DNM3: variants seen among roughly 807,000 people sequenced by gnomAD.
DNM3 encodes dynamin-3.
Under a neutral mutation model 101.6 loss-of-function variants are expected in DNM3, and 47 were observed. That is an observed-to-expected ratio of 0.46 (90% CI 0.37 to 0.59). DNM3 has a LOEUF of 0.59. DNM3 is among the 20% of genes least tolerant of loss of function. DNM3 has a pLI of 0.00. For synonymous variants in DNM3, 385 were observed against 387.9 expected, an observed-to-expected ratio of 0.99 and a Z score of 0.09; for missense variants, 849 against 1,085.7, an observed-to-expected ratio of 0.78 and a Z score of 3.06.
chr1:172,171,036 T>C (rs1193473212), intron 14 of DNM3, among the ~76,000 whole-genome samples: 1 of 151,800 alleles, frequency 6.6e-6, no homozygotes. Context: ...ATCTCTTCTG[T>C]ATGCTGGTCT....
intron 14 of DNM3, among the ~76,000 whole-genome samples, chr1:172,175,832 T>C (rs2059136405): frequency 6.6e-6 from 1 of 151,922 alleles, no homozygotes; most frequent in South Asian, 2.1e-4. Context: ...TAGGTAGAAA[T>C]TGGACAGGTC....
chr1:172,048,831 C>G lies in DNM3; in HGVS notation c.1335+81C>G, dbSNP rs778369846. Reference sequence around the variant, plus strand: ...TATCTCATTGCATGATTCTCTTTCCCTGACCCTCACTTTGTTATAGATGTT... The same window carrying G: ...TATCTCATTGCATGATTCTCTTTCCGTGACCCTCACTTTGTTATAGATGTT... On this transcript the variant is annotated intron_variant, in intron 10 of 20. Coordinates refer to ENST00000627582, the MANE Select transcript of DNM3 (RefSeq NM_015569.5). 16 of 1,496,618 alleles carry G rather than the reference C, an allele frequency of 1.1e-5. No homozygotes were observed. The East Asian group carries it at 3.2e-4, about 30-fold the overall frequency. The allele number at this position is 1,496,618 out of a possible 1,614,324, so 92.7% of individuals were successfully genotyped here. A position where few individuals can be genotyped will look rare whatever the true frequency, so the allele number is the denominator to read the frequency against.
At chr1:172,169,843 T>G (rs1344726080) in intron 14 of DNM3, among the ~76,000 whole-genome samples, 4 of 151,932 alleles carry the variant, frequency 2.6e-5, no homozygotes, top group Admixed American at 2.0e-4. Flanking sequence ...GTTGTGATAT[T>G]TAAATGAACT....
chr1:172,103,816 C>T (rs988500043), intron 13 of DNM3, among the ~76,000 whole-genome samples: 6 of 152,150 alleles, frequency 3.9e-5, no homozygotes, highest in Non-Finnish European at 7.3e-5. Flanking sequence ...TCCTGGCCAA[C>T]ATAGTGAAAC....
Position 172,409,214 on chromosome 1 carries a change from T to C in DNM3, c.*1373T>C. The C allele has an allele frequency of 1.0e-6, 1 of 985,352 alleles. No individual in the cohort carries two copies. Among genetic ancestry groups the C allele is most frequent in the African/African-American group, 1.7e-5 (1 of 57,344 alleles). The allele number at this position is 985,352 out of a possible 1,614,324, so 61.0% of individuals were successfully genotyped here. A position where few individuals can be genotyped will look rare whatever the true frequency, so the allele number is the denominator to read the frequency against. ...GACAGCAGAGCAAGTATTCACTGAG[T>C]AGGGGTGTCCCATGACACTATTTCA... On this transcript the variant is annotated 3_prime_UTR_variant, in exon 21 of 21. Coordinates refer to ENST00000627582, the MANE Select transcript of DNM3 (RefSeq NM_015569.5).
intron 15 of DNM3, among the ~76,000 whole-genome samples, chr1:172,286,328 G>A (rs768218882): frequency 1.3e-5 from 2 of 152,118 alleles, no homozygotes; most frequent in African/African-American, 2.4e-5. Flanking sequence ...GAGACAGACT[G>A]AGAATAATTG....
intron 15 of DNM3, among the ~76,000 whole-genome samples, chr1:172,302,902 A>C (rs1213925788): frequency 6.6e-6 from 1 of 152,220 alleles, no homozygotes; most frequent in Non-Finnish European, 1.5e-5. Flanking sequence ...CCACAGGTAG[A>C]TAAAACCACA....
chr1:172,298,750 A>T (rs1030943953), intron 15 of DNM3, among the ~76,000 whole-genome samples: 4 of 152,062 alleles, frequency 2.6e-5, no homozygotes, highest in African/African-American at 7.2e-5. Flanking sequence ...TTCTCTTTCC[A>T]TTGGAGTTTA....
intron 14 of DNM3, among the ~76,000 whole-genome samples, chr1:172,223,178 CCTGT>C (rs1411731821): frequency 6.6e-6 from 1 of 151,920 alleles, no homozygotes; most frequent in Non-Finnish European, 1.5e-5. Context: ...ACTTATTCCT[CCTGT>C]CTAACTGTAA....
chr1:171,955,659 A>G lies in DNM3; in HGVS notation c.236-31997A>G, dbSNP rs114643319. ...AGAGATACCTGCCCTAATAGGTGAG[A>G]GGCATAGGTAGCATTAAAGGAAAAT... On this transcript the variant is annotated intron_variant, in intron 2 of 20. Coordinates refer to ENST00000627582, the MANE Select transcript of DNM3 (RefSeq NM_015569.5). Among the ~76,000 whole-genome samples the G allele has an allele frequency of 6.4e-3, 981 of 152,296 alleles. 14 individuals carry two copies. The highest frequency in any genetic ancestry group is 0.021 in the African/African-American group (890 of 41,558).
At chr1:172,078,286 G>T (rs2052838505) in intron 11 of DNM3, among the ~76,000 whole-genome samples, 1 of 152,026 alleles carries the variant, frequency 6.6e-6, no homozygotes, top group African/African-American at 2.4e-5. Context: ...TAGAGATAGG[G>T]TTTCATCATA....
At chr1:171,947,139 G>C (rs116739653) in intron 2 of DNM3, among the ~76,000 whole-genome samples, 1 of 152,142 alleles carries the variant, frequency 6.6e-6, no homozygotes, top group Non-Finnish European at 1.5e-5. Context: ...ACCTTGCAGT[G>C]GGAGCTATCA....
intron 17 of DNM3, among the ~76,000 whole-genome samples, chr1:172,330,989 C>T (rs754345111): frequency 4.6e-5 from 7 of 152,154 alleles, no homozygotes; most frequent in Non-Finnish European, 5.9e-5. Flanking sequence ...TCCGTTTACT[C>T]TGCCTGTGCA....
chr1:172,297,945 G>A (rs2064246527), intron 15 of DNM3, among the ~76,000 whole-genome samples: 1 of 151,516 alleles, frequency 6.6e-6, no homozygotes, highest in Admixed American at 6.6e-5. Context: ...AACTCCTCTT[G>A]TTCACAAGTT....
chr1:172,276,991 A>C (rs865968123), intron 15 of DNM3, among the ~76,000 whole-genome samples: 1 of 152,048 alleles, frequency 6.6e-6, no homozygotes, highest in African/African-American at 2.4e-5. Context: ...CTTTAAAAAA[A>C]TATGTGGCTA....
intron 17 of DNM3, among the ~76,000 whole-genome samples, chr1:172,352,464 A>G (rs1558032858): frequency 1.3e-5 from 2 of 152,186 alleles, no homozygotes. Context: ...TATTTGAACT[A>G]TAGAGTCCCT....
chr1:172,070,094 G>A (rs1276201224), intron 11 of DNM3, among the ~76,000 whole-genome samples: 1 of 152,082 alleles, frequency 6.6e-6, no homozygotes, highest in East Asian at 1.9e-4. Flanking sequence ...TGGATTCATT[G>A]TCACTACTTT....
chr1:172,408,949 A>C lies in DNM3; in HGVS notation c.*1108A>C, dbSNP rs2149132407. On this transcript the variant is annotated 3_prime_UTR_variant, in exon 21 of 21. Coordinates refer to ENST00000627582, the MANE Select transcript of DNM3 (RefSeq NM_015569.5). ...GGCATGGGATAAGAGCAGAGCTCAC[A>C]CTTTTACAGTTGCAGTATTTCAAAG... is the stretch of plus-strand genomic sequence containing the variant. The C allele has an allele frequency of 1.0e-6, 1 of 985,404 alleles. No homozygotes were observed. The highest frequency in any genetic ancestry group is 1.1e-4 in the East Asian group (1 of 8,818). The allele number at this position is 985,404 out of a possible 1,614,324, so 61.0% of individuals were successfully genotyped here.
intron 14 of DNM3, among the ~76,000 whole-genome samples, chr1:172,190,899 G>A (rs898220943): frequency 5.3e-5 from 8 of 152,162 alleles, no homozygotes; most frequent in Admixed American, 1.3e-4. Context: ...TAAGTTCTTT[G>A]TAGATTCTGG....
Sources: allele counts gnomAD v4.1 joint callset (sites outside exome capture counted in the v4.1 genomes callset), GRCh38; gene constraint gnomAD v4.1.1; transcripts MANE v1.5; gene names NCBI Gene and HGNC (gene_info 2026-07-23, HGNC 2026-07-21).